Variants in TRAPPC10 observed in about 807,000 individuals in gnomAD.
TRAPPC10 encodes the protein trafficking protein particle complex subunit 10.
Under a neutral mutation model 125.5 loss-of-function variants are expected in TRAPPC10, and 23 were observed. That is an observed-to-expected ratio of 0.18 (90% CI 0.13 to 0.26). TRAPPC10 has a LOEUF of 0.26. Among genes scored for constraint, TRAPPC10 ranks in the 10% least tolerant of loss-of-function variants. TRAPPC10 has a pLI of 1.00. For synonymous variants in TRAPPC10, 509 were observed against 518.0 expected (o/e 0.98, Z 0.24); for missense variants, 1,123 against 1,308.4 (o/e 0.86, Z 2.19).
At chr21:44,056,793 C>G (rs895668048) in intron 5 of TRAPPC10, among the ~76,000 whole-genome samples, 5 of 152,078 alleles carry the variant, frequency 3.3e-5, no homozygotes, top group African/African-American at 1.2e-4. Flanking sequence ...GCAGAAACAA[C>G]TACATCAGTG....
rs1169012797 is a variant in TRAPPC10 at position 44,063,797 on chromosome 21, G to A, written c.1038+12G>A. 6.2e-7 allele frequency: 1 copy of A among 1,606,568 alleles called. No individual in the cohort carries two copies. Among genetic ancestry groups the A allele is most frequent in the Non-Finnish European group, 8.5e-7 (1 of 1,175,932 alleles). On this transcript the variant is annotated intron_variant, in intron 7 of 22. Transcript: ENST00000291574. This position sits in a 1 kb window ranked among gnomAD's most constrained non-coding sequence, Gnocchi z 4.4. ...TGAAGCTCTTAGAAGTGAGTCGGCT[G>A]TTTTCCCAATTTACCCGTTTCTTGA... is the stretch of plus-strand genomic sequence containing the variant.
chr21:44,031,982 T>A, intron 1 of TRAPPC10, 109 bp from the exon 2 acceptor site: 1 of 872,988 alleles, frequency 1.1e-6, no homozygotes, highest in Non-Finnish European at 1.8e-6. Context: ...GCGATATCGC[T>A]TTACTAAACA....
intron 3 of TRAPPC10, among the ~76,000 whole-genome samples, chr21:44,043,965 G>C (rs2034596055): frequency 6.6e-6 from 1 of 152,168 alleles, no homozygotes; most frequent in Non-Finnish European, 1.5e-5. Context: ...AGAGACCTTG[G>C]TTCCCACCAA....
At chr21:44,033,284 G>A (rs577391803) in intron 2 of TRAPPC10, among the ~76,000 whole-genome samples, 64 of 152,262 alleles carry the variant, frequency 4.2e-4, no homozygotes, top group African/African-American at 1.5e-3. Context: ...AGTAACATGA[G>A]GGATTAAGGT....
In TRAPPC10 at chr21:44,055,040, G is replaced by A. The variant is rs565058337; in HGVS notation, c.483-658G>A. 9.9e-5 allele frequency among the ~76,000 whole-genome samples: 15 copies of A among 152,252 alleles called. 1 individual carries two copies. In the South Asian group the frequency reaches 3.1e-3, roughly 32 times the overall value. ...CTGAGAAATCTAAATTTATCCTGTC[G>A]ATCCCAAGGAACCAAAATGGATTTT... On this transcript the variant is annotated intron_variant, in intron 4 of 22. Coordinates refer to ENST00000291574, the MANE Select transcript of TRAPPC10 (RefSeq NM_003274.5).
At chr21:44,055,461 C>G (rs1339498222) in intron 4 of TRAPPC10, among the ~76,000 whole-genome samples, 2 of 151,696 alleles carry the variant, frequency 1.3e-5, no homozygotes, top group African/African-American at 2.4e-5. Context: ...CATGGTGGTG[C>G]GTGCCTGTGA....
chr21:44,091,898 A>G, intron 18 of TRAPPC10, 25 bp from the exon 19 acceptor site: 1 of 1,609,268 alleles, frequency 6.2e-7, no homozygotes, highest in Non-Finnish European at 8.5e-7. Flanking sequence ...ATATCAAAAT[A>G]ATACTTTTTG....
chr21:44,059,446 TA>T lies in TRAPPC10; in HGVS notation c.790+239del, dbSNP rs763118686. On this transcript the variant is annotated intron_variant, in intron 6 of 22. Coordinates refer to ENST00000291574, the MANE Select transcript of TRAPPC10 (RefSeq NM_003274.5). This position sits in a 1 kb window ranked among gnomAD's most constrained non-coding sequence, Gnocchi z 4.4. ...TTAAGTAACAAAAATAATAATAATT[TA>T]AAAAAACTGTTTTCCAGGTATAAAA... 12 of 714,892 alleles carry T rather than the reference TA, an allele frequency of 1.7e-5. No individual in the cohort carries two copies. In the East Asian group the frequency reaches 3.2e-4, roughly 19 times the overall value. 44.3% of individuals were successfully genotyped at this position (714,892 alleles called of 1,614,324 possible). A position where few individuals can be genotyped will look rare whatever the true frequency, so the allele number is the denominator to read the frequency against.
Position 44,063,300 on chromosome 21 carries a change from G to C in TRAPPC10, c.791-238G>C, listed in dbSNP as rs1233656221. 1 of 1,174,440 alleles carries C rather than the reference G, an allele frequency of 8.5e-7. No homozygotes were observed. Among genetic ancestry groups the C allele is most frequent in the Non-Finnish European group, 1.1e-6 (1 of 886,236 alleles). The allele number at this position is 1,174,440 out of a possible 1,614,324, so 72.8% of individuals were successfully genotyped here. On this transcript the variant is annotated intron_variant, in intron 6 of 22. Transcript: ENST00000291574. This position sits in a 1 kb window ranked among gnomAD's most constrained non-coding sequence, Gnocchi z 4.4. Reference sequence around the variant, plus strand: ...TGACTTCCCAACCTGTTCAGCTCCCGCCCATGACTTTCTGGGCATGGTAGG... The same window carrying C: ...TGACTTCCCAACCTGTTCAGCTCCCCCCCATGACTTTCTGGGCATGGTAGG...
intron 4 of TRAPPC10, among the ~76,000 whole-genome samples, chr21:44,055,416 C>T (rs2035509508): frequency 6.6e-6 from 1 of 151,924 alleles, no homozygotes; most frequent in African/African-American, 2.4e-5. Context: ...ATAGCAAGAC[C>T]TCACCTTTAC....
chr21:44,058,390 G>A (rs1459424576), intron 5 of TRAPPC10, among the ~76,000 whole-genome samples: 1 of 151,882 alleles, frequency 6.6e-6, no homozygotes, highest in Non-Finnish European at 1.5e-5. Context: ...CCAGAGGGCT[G>A]GTGCTGGGAA....
chr21:44,016,873 T>A (rs537503661), intron 1 of TRAPPC10, among the ~76,000 whole-genome samples: 4 of 152,330 alleles, frequency 2.6e-5, no homozygotes, highest in South Asian at 2.1e-4. Flanking sequence ...TCAGCCAGGA[T>A]GGTCTTGATC....
At position 44,080,094 on chromosome 21, in the gene TRAPPC10, C is replaced by A; in HGVS notation, c.1690C>A (p.Leu564Ile). The change falls in exon 13 of 23, where the codon CTT becomes ATT. Residue 564 changes from leucine to isoleucine, a missense_variant. Transcript: ENST00000291574. ...EERKHFCQEI[L>I]DFASQPSDSP... ...GCGCAAGCACTTCTGCCAGGAGATACTTGACTTTGCCAGCCAGCCGTCAGA... is the reference window on the plus strand; with the variant it reads ...GCGCAAGCACTTCTGCCAGGAGATAATTGACTTTGCCAGCCAGCCGTCAGA... 1 of 1,614,202 alleles carries A rather than the reference C, an allele frequency of 6.2e-7. No homozygotes were observed. The highest frequency in any genetic ancestry group is 8.5e-7 in the Non-Finnish European group (1 of 1,180,016).
intron 15 of TRAPPC10, among the ~76,000 whole-genome samples, chr21:44,086,504 CCCTCAGAGACGTAG>C (rs1271727325): frequency 2.0e-5 from 3 of 152,328 alleles, no homozygotes; most frequent in East Asian, 3.9e-4. Flanking sequence ...AATTTTGTGA[CCCTCAGAGACGTAG>C]TCATGATCAT....
intron 3 of TRAPPC10, among the ~76,000 whole-genome samples, chr21:44,044,820 C>A (rs1444771128): frequency 1.3e-5 from 2 of 151,810 alleles, no homozygotes; most frequent in African/African-American, 2.4e-5. Context: ...TCTGCCACCA[C>A]GCCTGGCTAA....
intron 1 of TRAPPC10, among the ~76,000 whole-genome samples, chr21:44,021,945 A>AT (rs1398992725): frequency 2.5e-4 from 38 of 149,484 alleles, no homozygotes; most frequent in Admixed American, 4.7e-4. Context: ...ATACATTGCG[A>AT]TTTTTTTTTT....
chr21:44,091,411 T>G lies in TRAPPC10; in HGVS notation c.2871-512T>G, dbSNP rs114340059. Among the ~76,000 whole-genome samples the G allele has an allele frequency of 3.9e-3, 590 of 152,238 alleles. 6 individuals carry two copies. Among genetic ancestry groups the G allele is most frequent in the African/African-American group, 0.014 (565 of 41,550 alleles). ...TCTTTCTTCCATTGCCTCACAGAACTTGCCTCTTTAAAAACTTTTTTTATT... is the reference window on the plus strand; with the variant it reads ...TCTTTCTTCCATTGCCTCACAGAACGTGCCTCTTTAAAAACTTTTTTTATT... On this transcript the variant is annotated intron_variant, in intron 18 of 22. Coordinates refer to ENST00000291574, the MANE Select transcript of TRAPPC10 (RefSeq NM_003274.5).
Position 44,082,734 on chromosome 21 carries a change from T to A in TRAPPC10, c.1724-54T>A. 6.3e-7 allele frequency: 1 copy of A among 1,597,086 alleles called. No individual in the cohort carries two copies. Among genetic ancestry groups the A allele is most frequent in the Non-Finnish European group, 8.6e-7 (1 of 1,169,194 alleles). ...TACTGTGTCCGCGGCCTGCTGCTGC[T>A]TACTGTCAGGAAGTGTGACTTGGGG... On this transcript the variant is annotated intron_variant, in intron 13 of 22. Coordinates refer to ENST00000291574, the MANE Select transcript of TRAPPC10 (RefSeq NM_003274.5). The surrounding 1 kb of genome is among the most constrained non-coding windows in gnomAD (Gnocchi z 4.4).
intron 3 of TRAPPC10, 95 bp downstream of exon 3, chr21:44,038,022 G>A (rs951537173): frequency 1.3e-6 from 2 of 1,508,664 alleles, no homozygotes; most frequent in African/African-American, 1.4e-5. Context: ...GAGGACGCGT[G>A]GTGGGGTGGA....
Sources: gnomAD v4.1 joint callset for allele counts (sites outside exome capture counted in the v4.1 genomes callset) on GRCh38, gnomAD v4.1.1 for gene constraint, Gnocchi (gnomAD v3.1) non-coding constraint, MANE v1.5 for transcripts, NCBI Gene and HGNC (gene_info 2026-07-23, HGNC 2026-07-21) for gene names.